Variants in KIF1B observed in about 807,000 individuals in gnomAD.
The protein encoded by KIF1B is kinesin-like protein KIF1B.
KIF1B carries 76 observed loss-of-function variants against 241.9 expected under a neutral mutation model. The ratio of observed to expected loss-of-function variants is 0.31; its 90% CI spans 0.26 to 0.38. The LOEUF (loss-of-function observed/expected upper bound fraction) is 0.38. Among genes scored for constraint, KIF1B ranks in the 10% least tolerant of loss-of-function variants. KIF1B has a pLI of 1.00. For missense variants in KIF1B, 1,622 were observed against 2,271.4 expected (o/e 0.71, Z 5.81); for synonymous variants, 750 against 796.7 (o/e 0.94, Z 0.99).
intron 27 of KIF1B, among the ~76,000 whole-genome samples, chr1:10,332,444 G>A (rs1032901474): frequency 1.3e-5 from 2 of 148,726 alleles, no homozygotes; most frequent in African/African-American, 2.5e-5. Context: ...GAGCTTCTCT[G>A]CCCATATGTG....
chr1:10,254,647 C>T (rs542602797), intron 2 of KIF1B, among the ~76,000 whole-genome samples: 17 of 151,928 alleles, frequency 1.1e-4, no homozygotes, highest in Admixed American at 8.5e-4. Context: ...GAGGCCGAGG[C>T]GGGTGGATCA....
Position 10,345,884 on chromosome 1 carries a change from T to G in KIF1B, c.3728T>G (p.Leu1243Arg). Reference sequence around the variant, plus strand: ...TTAAACACGATGAGCAAAACCAGCCTTGGCCAGAGCATGAGCAAGTATGAC... The same window carrying G: ...TTAAACACGATGAGCAAAACCAGCCGTGGCCAGAGCATGAGCAAGTATGAC... ...TKLNTMSKTSLGQSMSKYDLL... is the reference protein window; with the variant it reads ...TKLNTMSKTSRGQSMSKYDLL... Residue 1243 changes from leucine to arginine, a missense_variant, in exon 35 of 49, where the codon CTT becomes CGT. Physicochemically the swap from Leu to Arg is moderately radical, Grantham distance 102. Coordinates refer to ENST00000676179, the MANE Select transcript of KIF1B (RefSeq NM_001365951.3). 6.2e-7 allele frequency: 1 copy of G among 1,614,192 alleles called. No individual in the cohort carries two copies. The highest frequency in any genetic ancestry group is 1.7e-5 in the Admixed American group (1 of 60,018).
intron 37 of KIF1B, among the ~76,000 whole-genome samples, chr1:10,350,249 G>A (rs1164969185): frequency 2.0e-5 from 3 of 150,404 alleles, no homozygotes; most frequent in Admixed American, 6.7e-5. Context: ...AGACAGCAGA[G>A]TGAGACTCTG....
chr1:10,282,827 G>C (rs1021868780), intron 15 of KIF1B, among the ~76,000 whole-genome samples: 3 of 152,192 alleles, frequency 2.0e-5, no homozygotes, highest in Admixed American at 2.0e-4. Flanking sequence ...TCAAGTTACA[G>C]TGTAATTGTT....
At chr1:10,217,320 A>G (rs2102091716) in intron 1 of KIF1B, among the ~76,000 whole-genome samples, 1 of 147,646 alleles carries the variant, frequency 6.8e-6, no homozygotes, top group East Asian at 2.0e-4. Context: ...ACCATAGGGC[A>G]CTTGCTCTTA....
At chr1:10,224,569 C>T (rs1479825847) in intron 1 of KIF1B, among the ~76,000 whole-genome samples, 1 of 151,194 alleles carries the variant, frequency 6.6e-6, no homozygotes, top group African/African-American at 2.5e-5. Flanking sequence ...CCGATGCATG[C>T]CACCACACCC....
intron 1 of KIF1B, among the ~76,000 whole-genome samples, chr1:10,224,124 T>C (rs768352361): frequency 1.8e-4 from 28 of 152,062 alleles, no homozygotes; most frequent in Non-Finnish European, 3.7e-4. Flanking sequence ...GGTTTTTGTT[T>C]GTTTGTTTGA....
At chr1:10,363,235 T>C in intron 40 of KIF1B, 48 bp from the exon 41 acceptor site, 2 of 1,445,676 alleles carry the variant, frequency 1.4e-6, no homozygotes. Flanking sequence ...AATTTTCCTG[T>C]TTTTGTGCTT....
intron 40 of KIF1B, among the ~76,000 whole-genome samples, chr1:10,362,229 C>A (rs1318093021): frequency 1.3e-5 from 2 of 152,070 alleles, no homozygotes; most frequent in Non-Finnish European, 2.9e-5. Context: ...TCTGTAATCC[C>A]AGCACGTTGG....
At chr1:10,246,843 A>G (rs1002797115) in intron 2 of KIF1B, among the ~76,000 whole-genome samples, 2 of 152,064 alleles carry the variant, frequency 1.3e-5, no homozygotes, top group African/African-American at 2.4e-5. Context: ...TTCCTGTCAC[A>G]TTTATTTCAT....
intron 35 of KIF1B, among the ~76,000 whole-genome samples, chr1:10,346,215 C>T (rs891136844): frequency 6.6e-6 from 1 of 151,836 alleles, no homozygotes; most frequent in African/African-American, 2.4e-5. Flanking sequence ...CACACCTGGC[C>T]GAATTCCAGT....
chr1:10,233,151 T>G (rs1647004012), intron 2 of KIF1B, among the ~76,000 whole-genome samples: 2 of 152,204 alleles, frequency 1.3e-5, no homozygotes, highest in South Asian at 4.1e-4. Context: ...GTGCTCCATT[T>G]GCCAATGTTC....
intron 2 of KIF1B, among the ~76,000 whole-genome samples, chr1:10,234,428 A>G (rs947857895): frequency 6.6e-6 from 1 of 151,584 alleles, no homozygotes; most frequent in African/African-American, 2.4e-5. Context: ...GCCTCATCGC[A>G]AACTCCTGAC....
intron 15 of KIF1B, among the ~76,000 whole-genome samples, chr1:10,284,861 C>CA (rs367710763): frequency 0.038 from 5,448 of 143,476 alleles, 331 homozygotes; most frequent in African/African-American, 0.13. Context: ...GACTCCATCT[C>CA]AAAAAAAAAA....
chr1:10,332,468 C>CCTTGTCAG (rs1461300542), intron 27 of KIF1B, among the ~76,000 whole-genome samples: 1 of 149,732 alleles, frequency 6.7e-6, no homozygotes, highest in Non-Finnish European at 1.5e-5. Context: ...GCTGACCTCA[C>CCTTGTCAG]CTTGTCAGTC....
At chr1:10,249,597 C>T (rs1418817265) in intron 2 of KIF1B, among the ~76,000 whole-genome samples, 2 of 152,132 alleles carry the variant, frequency 1.3e-5, no homozygotes, top group Non-Finnish European at 2.9e-5. Context: ...CGTACTTTGA[C>T]TGTTGGCAAG....
chr1:10,351,065 G>T (rs1162497790), intron 37 of KIF1B, among the ~76,000 whole-genome samples: 2 of 107,534 alleles, frequency 1.9e-5, no homozygotes, highest in Non-Finnish European at 1.8e-5. Flanking sequence ...GACAGAACAA[G>T]ACCCTGTCAA....
rs114220258 is a variant in KIF1B, at chr1:10,214,883, C to T, written c.-80+4005C>T. 6.3e-3 allele frequency among the ~76,000 whole-genome samples: 952 copies of T among 151,650 alleles called. 5 individuals carry two copies. Among genetic ancestry groups the T allele is most frequent in the African/African-American group, 0.022 (890 of 41,362 alleles). ...GGCATGAGCTACTGCACCTGGGCTA[C>T]CATTTCTATATAGAAATGGTGAGAT... On this transcript the variant is annotated intron_variant, in intron 1 of 48. Coordinates refer to ENST00000676179, the MANE Select transcript of KIF1B (RefSeq NM_001365951.3).
chr1:10,267,871 A>C (rs1237155980), intron 6 of KIF1B, among the ~76,000 whole-genome samples: 2 of 152,218 alleles, frequency 1.3e-5, no homozygotes, highest in Non-Finnish European at 2.9e-5. Context: ...ATAAATGAGC[A>C]CCAATAAAGA....
Sources: gnomAD v4.1 joint callset for allele counts (sites outside exome capture counted in the v4.1 genomes callset) on GRCh38, gnomAD v4.1.1 for gene constraint, MANE v1.5 for transcripts, NCBI Gene and HGNC (gene_info 2026-07-23, HGNC 2026-07-21) for gene names.